The following KAT14 variants were observed in gnomAD, a reference collection of about 807,000 sequenced individuals.
KAT14 encodes lysine acetyltransferase 14.
In KAT14, 66 loss-of-function variants were observed where a neutral mutation model predicts 78.4. The ratio of observed to expected loss-of-function variants is 0.84; its 90% confidence interval spans 0.69 to 1.03. The LOEUF (loss-of-function observed/expected upper bound fraction) is 1.03. Ranked by LOEUF, KAT14 falls within the 50% of genes least tolerant of loss-of-function variation. The pLI, the probability that KAT14 is intolerant of heterozygous loss-of-function variation, is 0.00. For synonymous variants in KAT14, 344 were observed against 359.4 expected (o/e 0.96, Z 0.48); for missense variants, 870 against 972.5 (o/e 0.89, Z 1.40).
rs759197348 is a variant in KAT14 at position 18,184,792 on chromosome 20, G to A, written c.2172G>A (p.Gln724=). The part of the protein sequence containing the change: ...IATFMIYHLI[Q]TCMGKDVTLH... ...CTTTCATGATCTATCATCTGATTCA[G>A]GTAAGTTGTCTATGTTTATGATTTA... The change falls in exon 10 of 11, where the codon CAG becomes CAA. Residue 724 remains glutamine, a splice_region_variant and synonymous_variant. Coordinates refer to ENST00000688188, the MANE Select transcript of KAT14 (RefSeq NM_001392073.1). The A allele has an allele frequency of 1.2e-6, 2 of 1,600,284 alleles. No homozygotes were observed. Among genetic ancestry groups the A allele is most frequent in the African/African-American group, 1.4e-5 (1 of 73,818 alleles).
intron 4 of KAT14, among the ~76,000 whole-genome samples, chr20:18,151,729 C>T (rs7275108): frequency 0.14 from 21,296 of 151,520 alleles, 2,165 homozygotes; most frequent in African/African-American, 0.28. Context: ...CTTGGCTGGG[C>T]GCAGTGGCTC....
At position 18,187,525 on chromosome 20, in the gene KAT14, G is replaced by T; in HGVS notation, c.*66G>T. 2 of 1,595,152 alleles carry T rather than the reference G, an allele frequency of 1.3e-6. No homozygotes were observed. Among genetic ancestry groups the T allele is most frequent in the South Asian group, 2.3e-5 (2 of 86,996 alleles). ...AACAGGTCTTTGTGGAGATCTAAAG[G>T]CAGTGATTGATTTCACAGGGAGCTC... is the stretch of plus-strand genomic sequence containing the variant. On this transcript the variant is annotated 3_prime_UTR_variant, in exon 11 of 11. Coordinates refer to ENST00000688188, the MANE Select transcript of KAT14 (RefSeq NM_001392073.1).
chr20:18,143,148 A>G, intron 2 of KAT14: 25 of 1,254,204 alleles, frequency 2.0e-5, no homozygotes, highest in Middle Eastern at 3.1e-4. Context: ...TGGTAACTCA[A>G]TAAAATTGAG....
Position 18,181,883 on chromosome 20 carries a change from C to A in KAT14, c.1805+37C>A. On this transcript the variant is annotated intron_variant, in intron 8 of 10. Coordinates refer to ENST00000688188, the MANE Select transcript of KAT14 (RefSeq NM_001392073.1). ...ACTAGAGGTGTGATGTCAGGTGTGT[C>A]ATGAGGGATAATGATTGTGGTTTCT... 1.9e-6 allele frequency: 3 copies of A among 1,609,498 alleles called. No homozygotes were observed. In the South Asian group the frequency reaches 3.3e-5, roughly 18 times the overall value.
intron 7 of KAT14, among the ~76,000 whole-genome samples, chr20:18,181,158 A>G (rs1303298238): frequency 6.6e-6 from 1 of 152,210 alleles, no homozygotes; most frequent in Non-Finnish European, 1.5e-5. Flanking sequence ...AAAAATTTTT[A>G]AATGACTTCA....
chr20:18,165,375 C>G (rs919097185), intron 7 of KAT14, among the ~76,000 whole-genome samples: 3 of 152,072 alleles, frequency 2.0e-5, no homozygotes, highest in African/African-American at 7.2e-5. Flanking sequence ...AGTCCCAACC[C>G]TGGTACCTAT....
At chr20:18,140,847 A>C (rs1417885160) in intron 1 of KAT14, among the ~76,000 whole-genome samples, 1 of 148,314 alleles carries the variant, frequency 6.7e-6, no homozygotes, top group Non-Finnish European at 1.5e-5. Flanking sequence ...CCAATAAAAC[A>C]AAACAAAAAA....
intron 2 of KAT14, among the ~76,000 whole-genome samples, chr20:18,144,704 G>C (rs1212005235): frequency 1.3e-5 from 2 of 152,148 alleles, no homozygotes; most frequent in African/African-American, 4.8e-5. Context: ...TTTTATCTGG[G>C]CTAGAATCAA....
chr20:18,183,013 G>A, intron 8 of KAT14, 110 bp from the exon 9 acceptor site: 1 of 1,423,608 alleles, frequency 7.0e-7, no homozygotes, highest in South Asian at 1.4e-5. Context: ...AACAGTGCAG[G>A]TTACTTTAAA....
In KAT14 at chr20:18,162,059, G is replaced by C. The variant is rs777155707; in HGVS notation, c.919G>C (p.Glu307Gln). 1.9e-6 allele frequency: 3 copies of C among 1,614,106 alleles called. No homozygotes were observed. Among genetic ancestry groups the C allele is most frequent in the Admixed American group, 1.7e-5 (1 of 59,996 alleles). ...RRPDVILEKG[E>Q]VIDFSSLSSS... is the part of the protein sequence containing the mutation. ...GCCAGATGTGATTCTGGAAAAAGGC[G>C]AAGTGATTGACTTTTCCTCCTTGAG... The change falls in exon 6 of 11, where the codon GAA (glutamate) becomes CAA (glutamine). Residue 307 changes from glutamate to glutamine, a missense_variant. By Grantham distance (29) the Glu-to-Gln change is conservative. Coordinates refer to ENST00000688188, the MANE Select transcript of KAT14 (RefSeq NM_001392073.1).
chr20:18,168,132 TA>T (rs1249401733), intron 7 of KAT14, among the ~76,000 whole-genome samples: 1 of 152,234 alleles, frequency 6.6e-6, no homozygotes, highest in African/African-American at 2.4e-5. Context: ...AGCAGTCATA[TA>T]AAATTGTTAT....
At chr20:18,183,366 T>C in intron 9 of KAT14, 68 bp downstream of exon 9, 11 of 1,486,624 alleles carry the variant, frequency 7.4e-6, no homozygotes, top group Non-Finnish European at 9.9e-6. Context: ...TTTTTAAAAT[T>C]AGTTTATGTG....
chr20:18,160,707 A>G (rs1407521964), intron 5 of KAT14, among the ~76,000 whole-genome samples: 2 of 152,032 alleles, frequency 1.3e-5, no homozygotes, highest in African/African-American at 2.4e-5. Flanking sequence ...TCTCCTTCCA[A>G]AAGTGCTGGG....
At position 18,187,451 on chromosome 20, in the gene KAT14, C is replaced by T. The variant is rs542639313; in HGVS notation, c.2338C>T (p.Arg780Trp). Residue 780 changes from arginine (R) to tryptophan (W), a missense_variant, in exon 11 of 11, where the codon CGG becomes TGG. Transcript: ENST00000688188. ...ECKHAFFLRL[R>W]R ...TAAACACGCATTCTTTCTGAGGCTCCGGCGCTGATGCGAATACAGCTCACA... is the reference window on the plus strand; with the variant it reads ...TAAACACGCATTCTTTCTGAGGCTCTGGCGCTGATGCGAATACAGCTCACA... 5.6e-5 allele frequency: 91 copies of T among 1,613,900 alleles called. 2 individuals are homozygous for T. The South Asian group carries it at 6.0e-4, about 11-fold the overall frequency.
chr20:18,186,893 T>C (rs752326585), intron 10 of KAT14, among the ~76,000 whole-genome samples: 3 of 152,242 alleles, frequency 2.0e-5, no homozygotes, highest in Non-Finnish European at 2.9e-5. Flanking sequence ...AGGTACAAGA[T>C]AACATCTAGT....
chr20:18,161,880 G>A lies in KAT14; in HGVS notation c.740G>A (p.Ser247Asn), dbSNP rs1429406844. Residue 247 changes from serine to asparagine, a missense_variant, in exon 6 of 11, where the codon AGT (serine) becomes AAT (asparagine). Transcript: ENST00000688188. ...ITVEGLRKRA[S>N]RNPVESAMEL... ...GTTGAGGGACTTAGAAAACGAGCAA[G>A]TCGGAATCCTGTGGAATCTGCCATG... 3 of 1,614,212 alleles carry A rather than the reference G, an allele frequency of 1.9e-6. No individual in the cohort carries two copies. The highest frequency in any genetic ancestry group is 2.5e-6 in the Non-Finnish European group (3 of 1,180,046).
chr20:18,160,790 C>T (rs1390171475), intron 5 of KAT14, among the ~76,000 whole-genome samples: 1 of 151,956 alleles, frequency 6.6e-6, no homozygotes, highest in Non-Finnish European at 1.5e-5. Flanking sequence ...AATTTGTGTA[C>T]ATGTGAAAAT....
At chr20:18,179,478 C>G (rs1447622051) in intron 7 of KAT14, among the ~76,000 whole-genome samples, 2 of 152,232 alleles carry the variant, frequency 1.3e-5, no homozygotes, top group African/African-American at 4.8e-5. Flanking sequence ...TTCTGGACTT[C>G]TGTGCACCCT....
At chr20:18,157,158 C>T (rs538453600) in intron 4 of KAT14, among the ~76,000 whole-genome samples, 2 of 152,312 alleles carry the variant, frequency 1.3e-5, no homozygotes, top group South Asian at 2.1e-4. Flanking sequence ...CACCCGTTTT[C>T]GACACAGTAA....
Sources: allele counts gnomAD v4.1 joint callset (sites outside exome capture counted in the v4.1 genomes callset), GRCh38; gene constraint gnomAD v4.1.1; transcripts MANE v1.5; gene names NCBI Gene and HGNC (gene_info 2026-07-23, HGNC 2026-07-21).